CR1: variants seen among roughly 807,000 people sequenced by gnomAD.
CR1 encodes complement receptor type 1.
CR1 carries 116 observed loss-of-function variants against 187.3 expected under a neutral mutation model. That is an observed-to-expected ratio of 0.62 (90% confidence interval 0.53 to 0.72). The LOEUF (loss-of-function observed/expected upper bound fraction) is 0.72, where lower values mean the gene tolerates loss of function less well. Ranked by LOEUF, CR1 falls within the 30% of genes least tolerant of loss-of-function variation. The probability of loss-of-function intolerance (pLI) is 0.00; values close to 1 mark genes in which losing one functional copy is unlikely to be tolerated. For synonymous variants in CR1, 576 were observed against 747.1 expected, an observed-to-expected ratio of 0.77 and a Z score of 3.73; for missense variants, 1,731 against 2,110.7, an observed-to-expected ratio of 0.82 and a Z score of 3.52.
chr1:207,575,605 A>G lies in CR1; in HGVS notation c.4462A>G (p.Ile1488Val). 2 of 1,611,832 alleles carry G rather than the reference A, an allele frequency of 1.2e-6. No homozygotes were observed. ...NYSCTTGHRL[I>V]GHSSAECILS... ...ATTTTTTGCCTTTAGGCACCGACTC[A>G]TTGGTCACTCATCTGCTGAATGTAT... is the stretch of plus-strand genomic sequence containing the variant. Residue 1488 changes from isoleucine (I) to valine (V), a missense_variant, in exon 28 of 47, where the codon ATT (isoleucine) becomes GTT (valine). Physicochemically the swap from Ile to Val is conservative, Grantham distance 29 (BLOSUM62 3). Around this residue, in one of 5 missense-constraint regions of CR1, gnomAD observed 1,312 missense variants for 1,379.6 expected, o/e 0.95. Transcript: ENST00000367049.
chr1:207,581,938 CCGT>C lies in CR1; in HGVS notation c.5238_5240del (p.Val1747del). The C allele has an allele frequency of 6.2e-7, 1 of 1,613,114 alleles. No homozygotes were observed. Among genetic ancestry groups the C allele is most frequent in the Non-Finnish European group, 8.5e-7 (1 of 1,179,358 alleles). On this transcript the variant is annotated inframe_deletion, in exon 32 of 47. Coordinates refer to ENST00000367049, the MANE Select transcript of CR1 (RefSeq NM_000651.6). ...TTTAGGTTTCGCTTAAAGGGCAGTT[CCGT>C]TAGTCATTGTGTCTTGGTTGGAATG...
At chr1:207,566,333 T>G (rs1660495611) in intron 24 of CR1, among the ~76,000 whole-genome samples, 1 of 149,896 alleles carries the variant, frequency 6.7e-6, no homozygotes, top group African/African-American at 2.5e-5. Context: ...TTCATTTTGT[T>G]CTCCCATCAA....
intron 45 of CR1, among the ~76,000 whole-genome samples, chr1:207,626,328 G>T (rs545199903): frequency 3.9e-5 from 6 of 152,332 alleles, no homozygotes; most frequent in South Asian, 2.1e-4. Flanking sequence ...GAAGGCAGAG[G>T]TCCCTTCTTT....
At position 207,526,928 on chromosome 1, in the gene CR1, A is replaced by G. The variant is rs761414087; in HGVS notation, c.1062A>G (p.Glu354=). Residue 354 remains glutamate (E), a splice_region_variant and synonymous_variant, in exon 6 of 47, where the codon GAA becomes GAG. Coordinates refer to ENST00000367049, the MANE Select transcript of CR1 (RefSeq NM_000651.6). ...GGAGCCCTGCAGCCCCCACATGTGA[A>G]GGTGACTAGACTCTTATCTGGCTTG... ...GDWSPAAPTC[E]VKSCDDFMGQ... 6.9e-7 allele frequency: 1 copy of G among 1,451,206 alleles called. No individual in the cohort carries two copies. Among genetic ancestry groups the G allele is most frequent in the Non-Finnish European group, 9.0e-7 (1 of 1,106,082 alleles). 89.9% of individuals were successfully genotyped at this position (1,451,206 alleles called of 1,614,324 possible). A position where few individuals can be genotyped will look rare whatever the true frequency, so the allele number is the denominator to read the frequency against.
intron 23 of CR1, among the ~76,000 whole-genome samples, chr1:207,565,068 C>T (rs1660451590): frequency 6.7e-6 from 1 of 149,914 alleles, no homozygotes; most frequent in East Asian, 1.9e-4. Context: ...TGTTAATATT[C>T]CCAGCAAGGT....
At chr1:207,501,920 T>G (rs1402381269) in intron 1 of CR1, among the ~76,000 whole-genome samples, 9 of 121,016 alleles carry the variant, frequency 7.4e-5, no homozygotes, top group Non-Finnish European at 1.4e-4. Context: ...TACTCAGTGT[T>G]TTTTTTTTTT....
chr1:207,586,998 T>A lies in CR1; in HGVS notation c.5531-388T>A, dbSNP rs377373426. Among the ~76,000 whole-genome samples the A allele has an allele frequency of 3.9e-5, 6 of 152,294 alleles. No individual in the cohort carries two copies. In the East Asian group the frequency reaches 9.6e-4, roughly 24 times the overall value. Reference sequence around the variant, plus strand: ...CAGCTTATGATGGGCACCCTGAGAATGGAGTATGGAGAGAGATGATAAAAT... The same window carrying A: ...CAGCTTATGATGGGCACCCTGAGAAAGGAGTATGGAGAGAGATGATAAAAT... On this transcript the variant is annotated intron_variant, in intron 33 of 46. Coordinates refer to ENST00000367049, the MANE Select transcript of CR1 (RefSeq NM_000651.6).
chr1:207,588,778 A>G lies in CR1; in HGVS notation c.5810+4A>G, dbSNP rs771419412. 4.4e-6 allele frequency: 7 copies of G among 1,581,154 alleles called. No homozygotes were observed. Among genetic ancestry groups the G allele is most frequent in the South Asian group, 2.3e-5 (2 of 88,644 alleles). ...TTAATTATTCTTGTAATGAAGGGTG[A>G]GTTGAGAATACCATCTCTTGAATAT... On this transcript the variant is annotated splice_donor_region_variant and intron_variant, in intron 35 of 46. Coordinates refer to ENST00000367049, the MANE Select transcript of CR1 (RefSeq NM_000651.6).
At chr1:207,626,568 G>T (rs1387949168) in intron 45 of CR1, among the ~76,000 whole-genome samples, 1 of 152,216 alleles carries the variant, frequency 6.6e-6, no homozygotes, top group Admixed American at 6.5e-5. Context: ...CAAGTCAGAA[G>T]AGCCATTTAT....
rs563184105 is a variant in CR1 at position 207,611,782 on chromosome 1, A to G, written c.6401A>G (p.Asp2134Gly). Residue 2134 changes from aspartate to glycine, a missense_variant, in exon 38 of 47, where the codon GAC (aspartate) becomes GGC (glycine). Coordinates refer to ENST00000367049, the MANE Select transcript of CR1 (RefSeq NM_000651.6). ...TTCTACAGCTGTGAGCCCAGCTATG[A>G]CCTCAGAGGGGCTGCGTCTCTGCAC... ...EVFYSCEPSYDLRGAASLHCT... is the reference protein window; with the variant it reads ...EVFYSCEPSYGLRGAASLHCT... The G allele has an allele frequency of 1.2e-5, 19 of 1,613,824 alleles. No homozygotes were observed. In the East Asian group the frequency reaches 2.0e-4, roughly 17 times the overall value.
intron 29 of CR1, 53 bp from the exon 30 acceptor site, chr1:207,580,187 C>T (rs1288636055): frequency 6.3e-7 from 1 of 1,595,308 alleles, no homozygotes; most frequent in East Asian, 2.2e-5. Flanking sequence ...CTTCAGGAAG[C>T]ATAGGAAATT....
At chr1:207,592,423 T>C (rs1661298525) in intron 35 of CR1, among the ~76,000 whole-genome samples, 1 of 152,150 alleles carries the variant, frequency 6.6e-6, no homozygotes. Flanking sequence ...CTCAATAAAC[T>C]AGGTATTGAT....
intron 35 of CR1, among the ~76,000 whole-genome samples, chr1:207,590,621 A>G (rs1661241950): frequency 6.6e-6 from 1 of 152,234 alleles, no homozygotes; most frequent in South Asian, 2.1e-4. Flanking sequence ...TTCTAACATT[A>G]AATGTAAATT....
chr1:207,522,007 A>G (rs1419757071), intron 4 of CR1, among the ~76,000 whole-genome samples: 7 of 151,932 alleles, frequency 4.6e-5, no homozygotes, highest in Non-Finnish European at 8.8e-5. Flanking sequence ...ACAAGTTTCA[A>G]TTATACCCTT....
At chr1:207,565,013 G>T (rs1320217710) in intron 23 of CR1, among the ~76,000 whole-genome samples, 1 of 149,956 alleles carries the variant, frequency 6.7e-6, no homozygotes, top group Non-Finnish European at 1.5e-5. Context: ...ATATCTTCTG[G>T]CTAGTCATGG....
At chr1:207,625,936 A>G (rs922825863) in intron 45 of CR1, among the ~76,000 whole-genome samples, 5 of 152,226 alleles carry the variant, frequency 3.3e-5, no homozygotes, top group African/African-American at 9.6e-5. Flanking sequence ...TGGATTATAA[A>G]ACCTATGCCT....
chr1:207,581,726 C>CT (rs1453894587), intron 31 of CR1, among the ~76,000 whole-genome samples, 192 bp from the exon 32 acceptor site: 2 of 152,136 alleles, frequency 1.3e-5, no homozygotes, highest in Non-Finnish European at 2.9e-5. Flanking sequence ...GAAAGCTACA[C>CT]TTTTTCCAAA....
chr1:207,639,660 A>G lies in CR1; in HGVS notation c.*251A>G. 2.4e-6 allele frequency: 1 copy of G among 418,908 alleles called. No homozygotes were observed. The highest frequency in any genetic ancestry group is 4.3e-6 in the Non-Finnish European group (1 of 233,590). The allele number at this position is 418,908 out of a possible 1,614,324, so 25.9% of individuals were successfully genotyped here. ...CGCACACAGTATCTAGTCAGGGGAA[A>G]AGACTGCATTTAGGAGATAGAAAAT... On this transcript the variant is annotated 3_prime_UTR_variant, in exon 47 of 47. Transcript: ENST00000367049.
Position 207,609,494 on chromosome 1 carries a change from G to A in CR1, c.6101G>A (p.Arg2034Gln), listed in dbSNP as rs370975278. The change falls in exon 37 of 47, where the codon CGG becomes CAG. Residue 2034 changes from arginine (R) to glutamine (Q), a missense_variant. Arg to Gln is a conservative substitution (Grantham distance 43, BLOSUM62 1). Coordinates refer to ENST00000367049, the MANE Select transcript of CR1 (RefSeq NM_000651.6). ...QVGVWSSPPP[R>Q]CISTNKCTAP... ...GGTGTTTGGAGCAGCCCTCCCCCTC[G>A]GTGTATTTCTACTAATAAATGCACA... The A allele has an allele frequency of 7.4e-5, 119 of 1,613,768 alleles. No individual in the cohort carries two copies. The highest frequency in any genetic ancestry group is 9.2e-5 in the Non-Finnish European group (109 of 1,179,866).
Sources: gnomAD v4.1 joint callset for allele counts (sites outside exome capture counted in the v4.1 genomes callset) on GRCh38, gnomAD v4.1.1 for gene constraint, gnomAD v4.1.1 regional missense constraint, MANE v1.5 for transcripts, NCBI Gene and HGNC (gene_info 2026-07-23, HGNC 2026-07-21) for gene names.